Variants in NPAS3 observed in about 807,000 individuals in gnomAD.
NPAS3 encodes the protein neuronal PAS domain protein 3.
In NPAS3, 14 loss-of-function variants were observed where a neutral mutation model predicts 73.1. That is an observed-to-expected ratio of 0.19 (90% CI 0.13 to 0.30). The LOEUF is 0.30. NPAS3 is among the 10% of genes least tolerant of loss of function. The pLI is 1.00. For missense variants in NPAS3, 1,096 were observed against 1,250.0 expected, an observed-to-expected ratio of 0.88 and a Z score of 1.86; for synonymous variants, 620 against 541.5, an observed-to-expected ratio of 1.14 and a Z score of -2.01.
chr14:33,289,939 G>A (rs146636944), intron 3 of NPAS3, among the ~76,000 whole-genome samples: 254 of 151,902 alleles, frequency 1.7e-3, no homozygotes, highest in South Asian at 6.5e-3. Flanking sequence ...TGTCTGATAC[G>A]CCCATCTCAG....
chr14:33,264,832 G>T (rs919050391), intron 3 of NPAS3, among the ~76,000 whole-genome samples: 1 of 152,130 alleles, frequency 6.6e-6, no homozygotes, highest in African/African-American at 2.4e-5. Flanking sequence ...GGCAGTCTTG[G>T]TCTCCTCACT....
chr14:33,524,745 G>A (rs902333566), intron 4 of NPAS3, among the ~76,000 whole-genome samples: 2 of 152,238 alleles, frequency 1.3e-5, no homozygotes, highest in East Asian at 3.9e-4. Flanking sequence ...TGAGGGATGT[G>A]AGGGAGGCTC....
At chr14:33,551,999 T>G (rs941184325) in intron 4 of NPAS3, among the ~76,000 whole-genome samples, 5 of 152,244 alleles carry the variant, frequency 3.3e-5, no homozygotes, top group African/African-American at 1.2e-4. Flanking sequence ...AATTTTCAAC[T>G]TTATTCATTT....
intron 2 of NPAS3, among the ~76,000 whole-genome samples, chr14:33,071,311 T>TA (rs2138650101): frequency 6.6e-6 from 1 of 152,328 alleles, no homozygotes; most frequent in East Asian, 1.9e-4. Context: ...AAATAACACT[T>TA]ACATGGTCAT....
chr14:33,528,105 G>A (rs1218370538), intron 4 of NPAS3, among the ~76,000 whole-genome samples: 1 of 152,012 alleles, frequency 6.6e-6, no homozygotes, highest in African/African-American at 2.4e-5. Context: ...TATAGGTGAA[G>A]CGTTTATTCT....
intron 3 of NPAS3, among the ~76,000 whole-genome samples, chr14:33,250,417 T>C (rs2139886983): frequency 6.6e-6 from 1 of 152,144 alleles, no homozygotes; most frequent in Non-Finnish European, 1.5e-5. Context: ...AGCAATAAAG[T>C]TGTAATAGGG....
chr14:33,385,996 A>G (rs549030267), intron 4 of NPAS3, among the ~76,000 whole-genome samples: 3 of 152,220 alleles, frequency 2.0e-5, no homozygotes, highest in East Asian at 3.9e-4. Flanking sequence ...TGATTGTAGG[A>G]AGGAAGTTGT....
chr14:33,556,707 G>C (rs956730700), intron 4 of NPAS3, among the ~76,000 whole-genome samples: 2 of 152,178 alleles, frequency 1.3e-5, no homozygotes, highest in African/African-American at 4.8e-5. Flanking sequence ...CTCTGCCACT[G>C]ACTGGCCATC....
At chr14:33,729,631 T>C (rs1160381545) in intron 6 of NPAS3, among the ~76,000 whole-genome samples, 1 of 152,172 alleles carries the variant, frequency 6.6e-6, no homozygotes, top group South Asian at 2.1e-4. Context: ...CCTTGTTACA[T>C]TGGCCCTTCC....
intron 7 of NPAS3, among the ~76,000 whole-genome samples, chr14:33,768,223 G>A (rs1212364199): frequency 6.6e-6 from 1 of 152,160 alleles, no homozygotes; most frequent in African/African-American, 2.4e-5. Flanking sequence ...AGAAAAATAT[G>A]AGCTTTAGCA....
intron 1 of NPAS3, among the ~76,000 whole-genome samples, chr14:32,979,480 C>T (rs1044533392): frequency 2.6e-5 from 4 of 152,124 alleles, no homozygotes; most frequent in African/African-American, 9.6e-5. Flanking sequence ...CACCAGGTCT[C>T]GGGGAATGAA....
chr14:33,151,073 C>T (rs1205469680), intron 2 of NPAS3, among the ~76,000 whole-genome samples: 1 of 152,226 alleles, frequency 6.6e-6, no homozygotes, highest in Non-Finnish European at 1.5e-5. Context: ...TTATACTTAA[C>T]ACCGTGAATC....
At chr14:33,592,327 A>G (rs1294861220) in intron 5 of NPAS3, among the ~76,000 whole-genome samples, 3 of 152,236 alleles carry the variant, frequency 2.0e-5, no homozygotes, top group Non-Finnish European at 4.4e-5. Flanking sequence ...AAGTTGCTAA[A>G]AGGAAAATGA....
chr14:33,044,268 T>C (rs2040432694), intron 1 of NPAS3, among the ~76,000 whole-genome samples: 1 of 152,208 alleles, frequency 6.6e-6, no homozygotes, highest in Non-Finnish European at 1.5e-5. Context: ...TTATTGAATG[T>C]CATTTTTGTC....
chr14:33,152,066 A>T (rs969209742), intron 2 of NPAS3, among the ~76,000 whole-genome samples: 1 of 151,966 alleles, frequency 6.6e-6, no homozygotes, highest in Middle Eastern at 3.2e-3. Flanking sequence ...ATATCTGGAG[A>T]CATTTGTGGT....
At chr14:33,680,237 A>C (rs2297120) in intron 6 of NPAS3, among the ~76,000 whole-genome samples, 10 of 152,222 alleles carry the variant, frequency 6.6e-5, no homozygotes, top group Non-Finnish European at 1.3e-4. Flanking sequence ...CTTAGTAAAC[A>C]GAAAAGCAGC....
chr14:33,334,853 A>G (rs1018181597), intron 3 of NPAS3, among the ~76,000 whole-genome samples: 4 of 152,080 alleles, frequency 2.6e-5, no homozygotes, highest in South Asian at 4.1e-4. Flanking sequence ...CCACAGTTCA[A>G]TGTATCATTC....
intron 2 of NPAS3, among the ~76,000 whole-genome samples, chr14:33,153,217 CT>C (rs144814753): frequency 6.6e-6 from 1 of 150,902 alleles, no homozygotes; most frequent in East Asian, 1.9e-4. Context: ...CCATTTTCTA[CT>C]TTTTTTTTCA....
chr14:33,572,947 CGG>C (rs2056280718), intron 5 of NPAS3, among the ~76,000 whole-genome samples: 1 of 145,056 alleles, frequency 6.9e-6, no homozygotes, highest in East Asian at 2.1e-4. Context: ...CGCTTAACCC[CGG>C]GAAGCGGAGG....
Sources: gnomAD v4.1 joint callset for allele counts (sites outside exome capture counted in the v4.1 genomes callset) on GRCh38, gnomAD v4.1.1 for gene constraint, MANE v1.5 for transcripts, NCBI Gene and HGNC (gene_info 2026-07-23, HGNC 2026-07-21) for gene names.